The following OCA2 variants were observed in gnomAD, a reference collection of about 807,000 sequenced individuals.
The protein encoded by OCA2 is OCA2 melanosomal transmembrane protein.
A neutral mutation model predicts 100.2 loss-of-function variants in OCA2; 77 were observed. The observed-to-expected ratio is 0.77, with a 90% CI of 0.64 to 0.93. OCA2 has a LOEUF of 0.93. OCA2 is among the 40% of genes least tolerant of loss of function. The pLI, the probability that OCA2 is intolerant of heterozygous loss-of-function variation, is 0.00. For synonymous variants in OCA2, 432 were observed against 439.2 expected, an observed-to-expected ratio of 0.98 and a Z score of 0.21; for missense variants, 1,062 against 1,089.1, an observed-to-expected ratio of 0.98 and a Z score of 0.35.
rs549340418 is a variant in OCA2, at chr15:27,815,306, G to T, written c.2432+29653C>A. 6.3e-4 allele frequency among the ~76,000 whole-genome samples: 96 copies of T among 152,320 alleles called. 1 individual carries two copies. Among genetic ancestry groups the T allele is most frequent in the Non-Finnish European group, 8.8e-5 (6 of 68,030 alleles). ...AACAGAGGGAAGGGGCTCTGGGAAA[G>T]CCCTCTTGGTGCCTGTGCCCAGACG... On this transcript the variant is annotated intron_variant, in intron 23 of 23. Transcript: ENST00000354638.
intron 23 of OCA2, among the ~76,000 whole-genome samples, chr15:27,776,179 T>C (rs1267649653): frequency 6.6e-6 from 1 of 152,250 alleles, no homozygotes; most frequent in Non-Finnish European, 1.5e-5. Flanking sequence ...AGTTTCTCCC[T>C]GGCTTGCTGC....
At chr15:28,041,729 A>G (rs1319421279) in intron 2 of OCA2, among the ~76,000 whole-genome samples, 1 of 152,262 alleles carries the variant, frequency 6.6e-6, no homozygotes, top group African/African-American at 2.4e-5. Context: ...ATTTCACACA[A>G]TAGTGGAAAT....
intron 2 of OCA2, among the ~76,000 whole-genome samples, chr15:28,075,129 A>C (rs2044391124): frequency 6.6e-6 from 1 of 152,222 alleles, no homozygotes; most frequent in Non-Finnish European, 1.5e-5. Flanking sequence ...CTTAGATACA[A>C]CACCAAAAGT....
Position 27,983,259 on chromosome 15 carries a change from C to G in OCA2, c.1503+86G>C, listed in dbSNP as rs147691353. The G allele has an allele frequency of 2.0e-5, 31 of 1,544,256 alleles. No individual in the cohort carries two copies. The Middle Eastern group carries it at 1.1e-3, about 54-fold the overall frequency. On this transcript the variant is annotated intron_variant, in intron 14 of 23. Transcript: ENST00000354638. The stretch of plus-strand genomic sequence containing the variant: ...AGAGGTGGCGTGATGATCTTGATTT[C>G]TAACAAAGGCGTCCATGTGGGGTAG...
intron 23 of OCA2, among the ~76,000 whole-genome samples, chr15:27,843,797 T>C (rs1273004863): frequency 6.6e-6 from 1 of 152,170 alleles, no homozygotes; most frequent in Non-Finnish European, 1.5e-5. Context: ...CTGCTGTGTG[T>C]GGGTCCTCAC....
At chr15:28,079,076 G>T (rs1025641079) in intron 2 of OCA2, among the ~76,000 whole-genome samples, 4 of 152,128 alleles carry the variant, frequency 2.6e-5, no homozygotes, top group African/African-American at 9.7e-5. Context: ...CTAAAACATA[G>T]GCCAGTACAG....
intron 18 of OCA2, among the ~76,000 whole-genome samples, chr15:27,928,329 A>G (rs1029059254): frequency 1.3e-5 from 2 of 152,208 alleles, no homozygotes; most frequent in Non-Finnish European, 2.9e-5. Flanking sequence ...AAGATCAGTC[A>G]ACTTTTAGCC....
intron 23 of OCA2, among the ~76,000 whole-genome samples, chr15:27,802,262 A>G (rs1390636493): frequency 6.6e-6 from 1 of 152,222 alleles, no homozygotes; most frequent in African/African-American, 2.4e-5. Context: ...AGACTTGTAC[A>G]CTGAAAACAA....
At chr15:28,076,855 A>C (rs1485952450) in intron 2 of OCA2, among the ~76,000 whole-genome samples, 1 of 145,000 alleles carries the variant, frequency 6.9e-6, no homozygotes, top group Non-Finnish European at 1.5e-5. Context: ...CTCCGTCTCA[A>C]AAAAAAAAAA....
intron 18 of OCA2, among the ~76,000 whole-genome samples, chr15:27,926,771 C>T (rs1306152287): frequency 6.6e-6 from 1 of 151,968 alleles, no homozygotes; most frequent in Non-Finnish European, 1.5e-5. Flanking sequence ...CACCACCACA[C>T]CCAGTTAACT....
Position 28,088,729 on chromosome 15 carries a change from G to A in OCA2, c.-21-6834C>T, listed in dbSNP as rs866084142. Among the ~76,000 whole-genome samples the A allele has an allele frequency of 1.1e-4, 17 of 152,244 alleles. 2 individuals are homozygous for A. In the South Asian group the frequency reaches 2.5e-3, roughly 22 times the overall value. On this transcript the variant is annotated intron_variant, in intron 1 of 23. Coordinates refer to ENST00000354638, the MANE Select transcript of OCA2 (RefSeq NM_000275.3). ...GGAGGGAGTACATGAATAGGGTGTG[G>A]GTCACAGAGATCACATGCTTCACAA...
intron 14 of OCA2, among the ~76,000 whole-genome samples, chr15:27,982,256 T>C (rs150032776): frequency 9.8e-4 from 149 of 152,354 alleles, no homozygotes; most frequent in African/African-American, 3.3e-3. Flanking sequence ...TTTTATTGTA[T>C]GTGCATGTGC....
At chr15:27,740,822 C>A in the OCA2 span, among the ~76,000 whole-genome samples, 1 of 152,210 alleles carries the variant, frequency 6.6e-6, no homozygotes, top group Non-Finnish European at 1.5e-5. Context: ...CTGTCTCTGT[C>A]CCTACACAGT....
intron 18 of OCA2, among the ~76,000 whole-genome samples, chr15:27,932,346 T>C (rs1205082807): frequency 6.6e-6 from 1 of 152,154 alleles, no homozygotes; most frequent in Non-Finnish European, 1.5e-5. Flanking sequence ...TCAAAATCAC[T>C]GCAAGCCAAA....
At chr15:27,972,655 T>G (rs1227416875) in intron 14 of OCA2, among the ~76,000 whole-genome samples, 1 of 152,046 alleles carries the variant, frequency 6.6e-6, no homozygotes, top group Non-Finnish European at 1.5e-5. Flanking sequence ...CATATCTTCT[T>G]CAAAAATGTC....
At chr15:27,768,657 C>T (rs2031473507) in intron 23 of OCA2, among the ~76,000 whole-genome samples, 1 of 152,104 alleles carries the variant, frequency 6.6e-6, no homozygotes, top group Non-Finnish European at 1.5e-5. Context: ...GCTTTGGACT[C>T]GAATAAACTT....
chr15:27,799,481 T>G (rs1185177533), intron 23 of OCA2, among the ~76,000 whole-genome samples: 1 of 152,126 alleles, frequency 6.6e-6, no homozygotes, highest in Non-Finnish European at 1.5e-5. Flanking sequence ...AACATAGACA[T>G]AAAATATCTT....
rs34697199 is a variant in OCA2, at chr15:27,897,189, C to CAAAAAAA, written c.2080-25274_2080-25268dup. 2.0e-3 allele frequency among the ~76,000 whole-genome samples: 268 copies of CAAAAAAA among 131,332 alleles called. 1 individual carries two copies. The highest frequency in any genetic ancestry group is 6.9e-3 in the African/African-American group (259 of 37,508). The allele number at this position is 131,332 out of a possible 152,430, so 86.2% of individuals were successfully genotyped here. On this transcript the variant is annotated intron_variant, in intron 19 of 23. Transcript: ENST00000354638. ...TGGGCGACAGAGCAAGACTCCGTCT[C>CAAAAAAA]AAAAAAAAAAAAAAAGAAATCTTCT... is the stretch of plus-strand genomic sequence containing the variant.
At chr15:28,080,806 C>G (rs1190989425) in intron 2 of OCA2, among the ~76,000 whole-genome samples, 2 of 152,206 alleles carry the variant, frequency 1.3e-5, no homozygotes, top group African/African-American at 2.4e-5. Context: ...TTTCTCATTA[C>G]AAGGACATCT....
Sources: gnomAD v4.1 joint callset for allele counts (sites outside exome capture counted in the v4.1 genomes callset) on GRCh38, gnomAD v4.1.1 for gene constraint, MANE v1.5 for transcripts, NCBI Gene and HGNC (gene_info 2026-07-23, HGNC 2026-07-21) for gene names.